MYO15A: variants seen among roughly 807,000 people sequenced by gnomAD.
MYO15A encodes the protein unconventional myosin-XV.
In MYO15A, 308 loss-of-function variants were observed where a neutral mutation model predicts 394.6. The ratio of observed to expected loss-of-function variants is 0.78; its 90% confidence interval spans 0.71 to 0.86. The LOEUF (loss-of-function observed/expected upper bound fraction) is 0.86, where lower values mean the gene tolerates loss of function less well. MYO15A is among the 40% of genes least tolerant of loss of function. The probability of loss-of-function intolerance (pLI) is 0.00; values close to 1 mark genes in which losing one functional copy is unlikely to be tolerated. For missense variants in MYO15A, 4,606 were observed against 4,799.1 expected (o/e 0.96, Z 1.19); for synonymous variants, 1,957 against 2,003.8 (o/e 0.98, Z 0.62).
Position 18,153,729 on chromosome 17 carries a change from A to T in MYO15A, c.7967-46A>T. 1.3e-6 allele frequency: 2 copies of T among 1,590,312 alleles called. No individual in the cohort carries two copies. Among genetic ancestry groups the T allele is most frequent in the Non-Finnish European group, 8.5e-7 (1 of 1,171,526 alleles). On this transcript the variant is annotated intron_variant, in intron 42 of 65. Transcript: ENST00000647165. The surrounding 1 kb of genome is among the most constrained non-coding windows in gnomAD (Gnocchi z 4.1). ...TATATATATATATTAATTAAATAAAAAAACGAGGTGCCTTCTCCTGACTCC... is the reference window on the plus strand; with the variant it reads ...TATATATATATATTAATTAAATAAATAAACGAGGTGCCTTCTCCTGACTCC...
At chr17:18,156,896 G>A in intron 48 of MYO15A, 58 bp from the exon 49 acceptor site, 1 of 1,466,206 alleles carries the variant, frequency 6.8e-7, no homozygotes. Context: ...GGTGGCCCTA[G>A]GCCTCTGGGA....
chr17:18,159,991 G>T lies in MYO15A; in HGVS notation c.9360G>T (p.Gln3120His). Residue 3120 changes from glutamine (Q) to histidine (H), a missense_variant, in exon 56 of 66, where the codon CAG becomes CAT. Physicochemically the swap from Gln to His is conservative, Grantham distance 24. This residue lies in a region of MYO15A where 2,776 missense variants were observed against 3,109.3 expected (regional missense o/e 0.89). Transcript: ENST00000647165. ...AATGTTACTGCCAAGTTGTGAAGCAGATCACAGACAATACCAGCTCCAAGC... is the reference window on the plus strand; with the variant it reads ...AATGTTACTGCCAAGTTGTGAAGCATATCACAGACAATACCAGCTCCAAGC... ...RDECYCQVVK[Q>H]ITDNTSSKQD... is the part of the protein sequence containing the mutation. 1.9e-6 allele frequency: 3 copies of T among 1,613,350 alleles called. No individual in the cohort carries two copies. Among genetic ancestry groups the T allele is most frequent in the Admixed American group, 1.7e-5 (1 of 60,028 alleles).
chr17:18,134,051 G>T (rs975654790), intron 12 of MYO15A, among the ~76,000 whole-genome samples: 1 of 151,808 alleles, frequency 6.6e-6, no homozygotes, highest in Non-Finnish European at 1.5e-5. Flanking sequence ...GTGCAGTGGC[G>T]CAATCTCGGC....
At position 18,145,937 on chromosome 17, in the gene MYO15A, C is replaced by G. The variant is rs757273401; in HGVS notation, c.6339C>G (p.Ile2113Met). The G allele has an allele frequency of 6.2e-7, 1 of 1,613,776 alleles. No homozygotes were observed. Among genetic ancestry groups the G allele is most frequent in the African/African-American group, 1.3e-5 (1 of 75,030 alleles). ...GGGAGAACATCTTCGGGAACTACATCGTGCAGAAGGGGCTGGCGGTGCCTG... is the reference window on the plus strand; with the variant it reads ...GGGAGAACATCTTCGGGAACTACATGGTGCAGAAGGGGCTGGCGGTGCCTG... ...GARENIFGNYIVQKGLAVPEL... is the reference protein window; with the variant it reads ...GARENIFGNYMVQKGLAVPEL... The change falls in exon 30 of 66, where the codon ATC becomes ATG. Residue 2113 changes from isoleucine to methionine, a missense_variant. By Grantham distance (10) the Ile-to-Met change is conservative (BLOSUM62 1). Around this residue, in one of 2 missense-constraint regions of MYO15A, gnomAD observed 2,776 missense variants for 3,109.3 expected, o/e 0.89. Transcript: ENST00000647165.
At chr17:18,178,605 C>T in intron 65 of MYO15A, 164 bp from the exon 66 acceptor site, 1 of 736,464 alleles carries the variant, frequency 1.4e-6, no homozygotes, top group Non-Finnish European at 2.4e-6. Context: ...GGCCTTCCAG[C>T]TCTTCATGCT....
chr17:18,148,254 C>T lies in MYO15A; in HGVS notation c.6691+44C>T. 1 of 1,610,438 alleles carries T rather than the reference C, an allele frequency of 6.2e-7. No individual in the cohort carries two copies. ...CCTCAGTGAGGGCAGTGGGAGTCAGCAGGGCCCAGTGAGCCCCGGGGATGG... is the reference window on the plus strand; with the variant it reads ...CCTCAGTGAGGGCAGTGGGAGTCAGTAGGGCCCAGTGAGCCCCGGGGATGG... On this transcript the variant is annotated intron_variant, in intron 31 of 65. Coordinates refer to ENST00000647165, the MANE Select transcript of MYO15A (RefSeq NM_016239.4). The surrounding 1 kb of genome is among the most constrained non-coding windows in gnomAD (Gnocchi z 4.8).
chr17:18,121,515 A>G lies in MYO15A; in HGVS notation c.2715A>G (p.Glu905=), dbSNP rs756122050. ...CCGGGGCCTGGCGGGCGCCCCTGGA[A>G]CACCGGGAGAGCCCGCGAGAACCCG... ...PRAGAWRAPL[E]HRESPREPED... is the part of the protein sequence containing the mutation. The change falls in exon 2 of 66, where the codon GAA becomes GAG. Residue 905 remains glutamate, a synonymous_variant. Transcript: ENST00000647165. This position sits in a 1 kb window ranked among gnomAD's most constrained non-coding sequence, Gnocchi z 5.3. 4 of 1,557,294 alleles carry G rather than the reference A, an allele frequency of 2.6e-6. No individual in the cohort carries two copies. In the South Asian group the frequency reaches 4.7e-5, roughly 18 times the overall value.
chr17:18,167,463 A>G, intron 61 of MYO15A, 127 bp from the exon 62 acceptor site: 1 of 1,464,046 alleles, frequency 6.8e-7, no homozygotes, highest in Non-Finnish European at 9.4e-7. Flanking sequence ...CAGGAAAGTA[A>G]TAGGCCATCC....
chr17:18,114,859 C>G (rs955200249), intron 1 of MYO15A, among the ~76,000 whole-genome samples: 1 of 152,128 alleles, frequency 6.6e-6, no homozygotes, highest in African/African-American at 2.4e-5. Flanking sequence ...GCGGCTCATT[C>G]CGTGGCCTCT....
At chr17:18,130,040 C>T (rs1230388078) in intron 7 of MYO15A, among the ~76,000 whole-genome samples, 16 of 152,180 alleles carry the variant, frequency 1.1e-4, no homozygotes, top group African/African-American at 3.4e-4. Context: ...CGACCACGCC[C>T]GGCTAATTTT....
In MYO15A at chr17:18,119,920, G is replaced by C; in HGVS notation, c.1120G>C (p.Val374Leu). 3.1e-6 allele frequency: 5 copies of C among 1,613,532 alleles called. No individual in the cohort carries two copies. Among genetic ancestry groups the C allele is most frequent in the Non-Finnish European group, 4.2e-6 (5 of 1,180,016 alleles). Reference protein sequence around the residue: ...YDVPYFDPYGVHYTVPYAEGV... With the variant: ...YDVPYFDPYGLHYTVPYAEGV... ...TGTACCCTACTTTGATCCCTACGGA[G>C]TCCACTACACCGTCCCCTATGCCGA... The change falls in exon 2 of 66, where the codon GTC becomes CTC. Residue 374 changes from valine (V) to leucine (L), a missense_variant. Val to Leu is a conservative substitution (Grantham distance 32, BLOSUM62 1). Transcript: ENST00000647165.
chr17:18,131,419 C>G (rs748940850), intron 9 of MYO15A, 49 bp from the exon 10 acceptor site: 1 of 1,613,038 alleles, frequency 6.2e-7, no homozygotes, highest in African/African-American at 1.3e-5. Context: ...TCGGAGCCAA[C>G]ACCAGCCCTC....
At chr17:18,167,509 A>C in intron 61 of MYO15A, 81 bp from the exon 62 acceptor site, 1 of 1,591,096 alleles carries the variant, frequency 6.3e-7, no homozygotes, top group Non-Finnish European at 8.5e-7. Flanking sequence ...ATCATTAAAC[A>C]TGCATGTCCC....
At chr17:18,168,948 T>TA (rs1321911668) in intron 62 of MYO15A, among the ~76,000 whole-genome samples, 9 of 142,352 alleles carry the variant, frequency 6.3e-5, no homozygotes, top group Admixed American at 5.7e-4. Flanking sequence ...CTAAAAAAAT[T>TA]TAAAAAAAAA....
Position 18,137,564 on chromosome 17 carries a change from C to T in MYO15A, c.4780-20C>T, listed in dbSNP as rs1477076670. On this transcript the variant is annotated intron_variant, in intron 15 of 65. Transcript: ENST00000647165. ...GTGGCCAAGGAAGGACCAGTCCCAG[C>T]ACCCCCATCCACCTGGCAGGACCTG... 1 of 1,611,026 alleles carries T rather than the reference C, an allele frequency of 6.2e-7. No individual in the cohort carries two copies. The highest frequency in any genetic ancestry group is 1.7e-5 in the Admixed American group (1 of 59,964).
chr17:18,113,427 T>C (rs2045746022), intron 1 of MYO15A, among the ~76,000 whole-genome samples: 1 of 152,186 alleles, frequency 6.6e-6, no homozygotes. Flanking sequence ...CCACTGCTCC[T>C]GGCTGCAGTA....
At position 18,117,292 on chromosome 17, in the gene MYO15A, G is replaced by T. The variant is rs553207630; in HGVS notation, c.-219-1290G>T. 6.6e-6 allele frequency among the ~76,000 whole-genome samples: 1 copy of T among 152,240 alleles called. No individual in the cohort carries two copies. Among genetic ancestry groups the T allele is most frequent in the Admixed American group, 6.5e-5 (1 of 15,286 alleles). ...AGCAGGGGGAAGAGGCAGACAGAGA[G>T]GGGGAGACCTCACTTGCTGCATGGT... On this transcript the variant is annotated intron_variant, in intron 1 of 65. Transcript: ENST00000647165. The surrounding 1 kb of genome is among the most constrained non-coding windows in gnomAD (Gnocchi z 4.1).
chr17:18,139,752 G>A (rs545378974), intron 19 of MYO15A, 141 bp downstream of exon 19: 174 of 995,544 alleles, frequency 1.7e-4, no homozygotes, highest in Non-Finnish European at 2.3e-4. Context: ...GGGTGGCCTG[G>A]ACACCCTGTT....
intron 2 of MYO15A, chr17:18,124,066 A>C (rs112312428): frequency 7.1e-6 from 2 of 282,916 alleles, no homozygotes; most frequent in Non-Finnish European, 7.1e-6. Flanking sequence ...GTGCTAAGAC[A>C]GTCTCCATCT....
Sources: gnomAD v4.1 joint callset for allele counts (sites outside exome capture counted in the v4.1 genomes callset) on GRCh38, gnomAD v4.1.1 for gene constraint, gnomAD v4.1.1 regional missense constraint, Gnocchi (gnomAD v3.1) non-coding constraint, MANE v1.5 for transcripts, NCBI Gene and HGNC (gene_info 2026-07-23, HGNC 2026-07-21) for gene names.